DGKB: variants seen among roughly 807,000 people sequenced by gnomAD.
DGKB encodes the protein diacylglycerol kinase beta.
In DGKB, 67 loss-of-function variants were observed where a neutral mutation model predicts 114.3. The ratio of observed to expected loss-of-function variants is 0.59; its 90% CI spans 0.48 to 0.72. DGKB has a LOEUF of 0.72. Among genes scored for constraint, DGKB ranks in the 30% least tolerant of loss-of-function variants. The pLI is 0.00. For missense variants in DGKB, 907 were observed against 975.2 expected, an observed-to-expected ratio of 0.93 and a Z score of 0.93; for synonymous variants, 398 against 323.1, an observed-to-expected ratio of 1.23 and a Z score of -2.49.
At chr7:14,747,331 C>A (rs1380133474) in intron 4 of DGKB, among the ~76,000 whole-genome samples, 1 of 151,174 alleles carries the variant, frequency 6.6e-6, no homozygotes, top group South Asian at 2.1e-4. Context: ...TATCTGGGAC[C>A]ACAGGATTGT....
intron 23 of DGKB, among the ~76,000 whole-genome samples, chr7:14,220,981 G>T (rs962464726): frequency 2.0e-5 from 3 of 150,876 alleles, no homozygotes; most frequent in African/African-American, 7.3e-5. Context: ...TGTTGCAAGG[G>T]TCTAGAAATA....
intron 20 of DGKB, among the ~76,000 whole-genome samples, chr7:14,492,750 A>C (rs1468680476): frequency 1.3e-5 from 2 of 152,124 alleles, no homozygotes; most frequent in Non-Finnish European, 2.9e-5. Context: ...CCTCAAAAAT[A>C]ATAAGGGCCA....
intron 1 of DGKB, among the ~76,000 whole-genome samples, chr7:14,924,660 T>G (rs1784667532): frequency 6.6e-6 from 1 of 152,186 alleles, no homozygotes; most frequent in South Asian, 2.1e-4. Flanking sequence ...GTTTCCAATT[T>G]TTTTTTATTT....
chr7:14,458,844 CAA>C (rs1321733005), intron 21 of DGKB, among the ~76,000 whole-genome samples: 1 of 152,104 alleles, frequency 6.6e-6, no homozygotes, highest in Non-Finnish European at 1.5e-5. Flanking sequence ...GGAATACCAG[CAA>C]GACAGAACCG....
At chr7:14,672,256 T>C (rs190280149) in intron 13 of DGKB, among the ~76,000 whole-genome samples, 142 of 152,234 alleles carry the variant, frequency 9.3e-4, no homozygotes, top group Non-Finnish European at 3.5e-4. Flanking sequence ...GCATCATGGA[T>C]ATAAAATAGT....
chr7:14,883,623 A>G (rs1347111576), intron 1 of DGKB, among the ~76,000 whole-genome samples: 1 of 152,004 alleles, frequency 6.6e-6, no homozygotes, highest in Non-Finnish European at 1.5e-5. Context: ...GTGGTTTTGT[A>G]TTAACCACTG....
intron 23 of DGKB, among the ~76,000 whole-genome samples, chr7:14,202,451 C>T (rs577364722): frequency 5.0e-4 from 76 of 152,080 alleles, no homozygotes; most frequent in African/African-American, 1.8e-3. Context: ...TGTTACTTAG[C>T]CACACTGTTG....
chr7:14,267,657 T>G (rs1797710290), intron 23 of DGKB, among the ~76,000 whole-genome samples: 1 of 151,644 alleles, frequency 6.6e-6, no homozygotes, highest in Admixed American at 6.6e-5. Flanking sequence ...CCCAGCTAAT[T>G]TTTTGTATTT....
chr7:14,697,200 A>G (rs1021409267), intron 8 of DGKB, among the ~76,000 whole-genome samples: 6 of 152,160 alleles, frequency 3.9e-5, no homozygotes. Context: ...TCTTAAAAGC[A>G]TTTTTAGATA....
intron 2 of DGKB, 29 bp downstream of exon 2, chr7:14,841,165 A>T (rs367731156): frequency 6.0e-5 from 94 of 1,562,230 alleles, no homozygotes; most frequent in Non-Finnish European, 7.7e-5. Flanking sequence ...AATGTCAAAT[A>T]ATCTCATAAT....
At chr7:14,361,343 C>T (rs564008421) in intron 21 of DGKB, among the ~76,000 whole-genome samples, 46 of 151,960 alleles carry the variant, frequency 3.0e-4, no homozygotes, top group South Asian at 1.9e-3. Flanking sequence ...AAATAAGAAT[C>T]GGGCTACTTG....
At chr7:14,267,005 T>C (rs994893895) in intron 23 of DGKB, among the ~76,000 whole-genome samples, 1 of 97,908 alleles carries the variant, frequency 1.0e-5, no homozygotes, top group African/African-American at 6.7e-5. Context: ...AATGAACAAG[T>C]TGGTTTCCCC....
intron 20 of DGKB, among the ~76,000 whole-genome samples, chr7:14,502,144 G>T (rs1316252650): frequency 1.3e-5 from 2 of 151,922 alleles, no homozygotes; most frequent in South Asian, 4.1e-4. Context: ...AGAATGTGAT[G>T]AAAGTGACAT....
chr7:14,501,271 G>A (rs540338385), intron 20 of DGKB, among the ~76,000 whole-genome samples: 7 of 151,912 alleles, frequency 4.6e-5, no homozygotes, highest in East Asian at 1.9e-4. Flanking sequence ...CTTTATAGAC[G>A]GATTCAATTA....
chr7:14,231,850 A>G (rs925500249), intron 23 of DGKB, among the ~76,000 whole-genome samples: 5 of 152,054 alleles, frequency 3.3e-5, no homozygotes, highest in African/African-American at 1.2e-4. Flanking sequence ...TTCTAAGGAA[A>G]AAATACCTTG....
chr7:14,198,807 T>C (rs1785398447), intron 23 of DGKB, among the ~76,000 whole-genome samples: 1 of 151,876 alleles, frequency 6.6e-6, no homozygotes, highest in African/African-American at 2.4e-5. Context: ...ATACTTTAAA[T>C]GTTGGATTTG....
At chr7:14,285,014 TAAAA>T (rs1204819871) in intron 23 of DGKB, among the ~76,000 whole-genome samples, 5 of 78,428 alleles carry the variant, frequency 6.4e-5, no homozygotes, top group Admixed American at 3.3e-4. Flanking sequence ...AGTATAATAA[TAAAA>T]AAATAAAAAA....
intron 23 of DGKB, among the ~76,000 whole-genome samples, chr7:14,255,794 C>T (rs954791275): frequency 6.6e-6 from 1 of 151,138 alleles, no homozygotes; most frequent in African/African-American, 2.4e-5. Context: ...TGGTTATTTG[C>T]ACTTTTTTCT....
At chr7:14,688,219 T>C (rs1822062546) in intron 9 of DGKB, among the ~76,000 whole-genome samples, 1 of 152,184 alleles carries the variant, frequency 6.6e-6, no homozygotes. Flanking sequence ...GTCCTTCCAC[T>C]GCAAATATAT....
Sources: allele counts gnomAD v4.1 joint callset (sites outside exome capture counted in the v4.1 genomes callset), GRCh38; gene constraint gnomAD v4.1.1; transcripts MANE v1.5; gene names NCBI Gene and HGNC (gene_info 2026-07-23, HGNC 2026-07-21).